Variants in XRCC4 observed in about 807,000 individuals in gnomAD.
XRCC4 encodes DNA repair protein XRCC4.
XRCC4 carries 28 observed loss-of-function variants against 39.1 expected under a neutral mutation model. The observed-to-expected ratio is 0.72, with a 90% CI of 0.53 to 0.98. XRCC4 has a LOEUF of 0.98. XRCC4 is among the 50% of genes least tolerant of loss of function. XRCC4 has a pLI of 0.00. For synonymous variants in XRCC4, 123 were observed against 126.4 expected, an observed-to-expected ratio of 0.97 and a Z score of 0.18; for missense variants, 350 against 376.4, an observed-to-expected ratio of 0.93 and a Z score of 0.58.
intron 1 of XRCC4, among the ~76,000 whole-genome samples, chr5:83,086,269 C>G (rs1022960489): frequency 6.6e-6 from 1 of 152,136 alleles, no homozygotes; most frequent in Admixed American, 6.6e-5. Flanking sequence ...GGATGCCAAC[C>G]TCTCACGCAG....
intron 3 of XRCC4, among the ~76,000 whole-genome samples, chr5:83,133,472 G>T (rs6888257): frequency 0.05 from 7,684 of 152,258 alleles, 611 homozygotes; most frequent in African/African-American, 0.17. Flanking sequence ...GTTTAGCTAG[G>T]CCCTGCCCCC....
intron 7 of XRCC4, among the ~76,000 whole-genome samples, chr5:83,302,924 G>C (rs4613680): frequency 3.9e-5 from 6 of 152,106 alleles, no homozygotes; most frequent in Non-Finnish European, 7.4e-5. Flanking sequence ...TAGTACAAAA[G>C]ATGTCAGGCC....
intron 3 of XRCC4, among the ~76,000 whole-genome samples, chr5:83,147,627 T>A (rs1056313735): frequency 1.3e-5 from 2 of 152,134 alleles, no homozygotes; most frequent in African/African-American, 4.8e-5. Flanking sequence ...ATTCAAGGGA[T>A]CTGTTGTATA....
At chr5:83,348,281 C>G (rs1006297452) in intron 7 of XRCC4, among the ~76,000 whole-genome samples, 3 of 152,210 alleles carry the variant, frequency 2.0e-5, no homozygotes, top group Non-Finnish European at 4.4e-5. Flanking sequence ...CCACACTGCC[C>G]TAGTAGAGGT....
chr5:83,182,944 G>A (rs933273185), intron 3 of XRCC4, among the ~76,000 whole-genome samples: 1 of 152,102 alleles, frequency 6.6e-6, no homozygotes, highest in Non-Finnish European at 1.5e-5. Flanking sequence ...CCAGTCTAAG[G>A]TATTTGGTTA....
chr5:83,288,217 C>T (rs1754799568), intron 7 of XRCC4, among the ~76,000 whole-genome samples: 1 of 151,732 alleles, frequency 6.6e-6, no homozygotes, highest in Non-Finnish European at 1.5e-5. Flanking sequence ...TCCATGTGAG[C>T]TTGAGAAGAA....
At chr5:83,340,247 C>G (rs1322923905) in intron 7 of XRCC4, among the ~76,000 whole-genome samples, 2 of 133,528 alleles carry the variant, frequency 1.5e-5, no homozygotes, top group Non-Finnish European at 3.1e-5. Context: ...TAATTGGGCC[C>G]TAATAACAAA....
intron 7 of XRCC4, among the ~76,000 whole-genome samples, chr5:83,281,488 C>G (rs1053476269): frequency 3.4e-5 from 5 of 148,528 alleles, no homozygotes; most frequent in African/African-American, 1.3e-4. Flanking sequence ...GTCGAGTTTG[C>G]ACTGTTTTTT....
intron 7 of XRCC4, chr5:83,311,171 A>G (rs1375851503): frequency 5.5e-6 from 1 of 180,580 alleles, no homozygotes; most frequent in African/African-American, 2.4e-5. Context: ...GGGCTCTAGC[A>G]GGCCGGTGAG....
chr5:83,238,142 T>C (rs1431893153), intron 6 of XRCC4, among the ~76,000 whole-genome samples: 2 of 152,184 alleles, frequency 1.3e-5, no homozygotes, highest in African/African-American at 4.8e-5. Context: ...CTATCTGATT[T>C]TTGAGAGGCC....
chr5:83,320,350 A>G (rs1188770242), intron 7 of XRCC4, among the ~76,000 whole-genome samples: 5 of 150,638 alleles, frequency 3.3e-5, no homozygotes, highest in African/African-American at 1.2e-4. Flanking sequence ...TAAAACTTAA[A>G]GTATAATAAA....
intron 7 of XRCC4, among the ~76,000 whole-genome samples, chr5:83,279,726 G>A (rs1439236195): frequency 6.6e-6 from 1 of 152,150 alleles, no homozygotes; most frequent in East Asian, 1.9e-4. Flanking sequence ...TCCCATTATT[G>A]TAAATGCAGA....
At chr5:83,222,379 T>C (rs1183491161) in intron 6 of XRCC4, among the ~76,000 whole-genome samples, 1 of 152,208 alleles carries the variant, frequency 6.6e-6, no homozygotes, top group Non-Finnish European at 1.5e-5. Flanking sequence ...CAGTGCATTA[T>C]TGCATTGTTA....
At chr5:83,240,427 A>G (rs1216029605) in intron 6 of XRCC4, among the ~76,000 whole-genome samples, 2 of 152,204 alleles carry the variant, frequency 1.3e-5, no homozygotes, top group Admixed American at 6.5e-5. Context: ...CAGTATCCTC[A>G]GAAATAGAGA....
At position 83,307,922 on chromosome 5, in the gene XRCC4, A is replaced by T. The variant is rs772289597; in HGVS notation, c.894-45209A>T. Among the ~76,000 whole-genome samples the T allele has an allele frequency of 6.0e-4, 91 of 152,228 alleles. 1 individual carries two copies. The highest frequency in any genetic ancestry group is 1.1e-3 in the Non-Finnish European group (73 of 68,038). On this transcript the variant is annotated intron_variant, in intron 7 of 7. Coordinates refer to ENST00000396027, the MANE Select transcript of XRCC4 (RefSeq NM_003401.5). ...TCAAATAGCTTAGCGTTAACACTAA[A>T]TGATTGAACTTTATATTTTCAGTTT...
chr5:83,320,080 C>T (rs1323596315), intron 7 of XRCC4, among the ~76,000 whole-genome samples: 1 of 147,628 alleles, frequency 6.8e-6, no homozygotes, highest in East Asian at 2.0e-4. Context: ...AATTGGAAAC[C>T]ATCATTCTCA....
At chr5:83,292,848 C>T (rs1264593061) in intron 7 of XRCC4, among the ~76,000 whole-genome samples, 1 of 151,434 alleles carries the variant, frequency 6.6e-6, no homozygotes, top group Non-Finnish European at 1.5e-5. Flanking sequence ...GATTGGATGA[C>T]AAAACTATAT....
Position 83,259,067 on chromosome 5 carries a change from G to A in XRCC4, c.893+390G>A, listed in dbSNP as rs76292213. 112 of 185,766 alleles carry A rather than the reference G, an allele frequency of 6.0e-4. 3 individuals carry two copies. The East Asian group carries it at 0.02, about 33-fold the overall frequency. The allele number at this position is 185,766 out of a possible 1,614,324, so 11.5% of individuals were successfully genotyped here. On this transcript the variant is annotated intron_variant, in intron 7 of 7. Coordinates refer to ENST00000396027, the MANE Select transcript of XRCC4 (RefSeq NM_003401.5). The stretch of plus-strand genomic sequence containing the variant: ...GGTTATGCTTGGCATTTTTTTTCAA[G>A]TAAAATGTCTCCTTCTCATCATCTG...
intron 7 of XRCC4, among the ~76,000 whole-genome samples, chr5:83,347,402 G>A (rs1437237665): frequency 6.6e-6 from 1 of 152,126 alleles, no homozygotes; most frequent in East Asian, 1.9e-4. Context: ...ATGCTGCTGG[G>A]GAGGCCTCAG....
Sources: allele counts gnomAD v4.1 joint callset (sites outside exome capture counted in the v4.1 genomes callset), GRCh38; gene constraint gnomAD v4.1.1; transcripts MANE v1.5; gene names NCBI Gene and HGNC (gene_info 2026-07-23, HGNC 2026-07-21).